SPTBN1: variants seen among roughly 807,000 people sequenced by gnomAD.
The protein encoded by SPTBN1 is spectrin beta chain, non-erythrocytic 1.
In SPTBN1, 32 loss-of-function variants were observed where a neutral mutation model predicts 266.4. The ratio of observed to expected loss-of-function variants is 0.12; its 90% CI spans 0.09 to 0.16. SPTBN1 has a LOEUF of 0.16. Among genes scored for constraint, SPTBN1 ranks in the 10% least tolerant of loss-of-function variants. The probability of loss-of-function intolerance (pLI) is 1.00; values close to 1 mark genes in which losing one functional copy is unlikely to be tolerated. For missense variants in SPTBN1, 2,296 were observed against 3,067.1 expected (o/e 0.75, Z 5.94); for synonymous variants, 1,336 against 1,162.2 (o/e 1.15, Z -3.04).
At chr2:54,569,144 C>G (rs1673879739) in intron 2 of SPTBN1, among the ~76,000 whole-genome samples, 1 of 151,998 alleles carries the variant, frequency 6.6e-6, no homozygotes, top group Non-Finnish European at 1.5e-5. Flanking sequence ...AACTTGTTGG[C>G]CGGAAGTTTT....
intron 1 of SPTBN1, among the ~76,000 whole-genome samples, chr2:54,522,697 G>GAGAGAGAGAGAGAGAGAGAAAGAGAA (rs1553439438): frequency 4.1e-5 from 4 of 97,262 alleles, no homozygotes; most frequent in Non-Finnish European, 2.1e-5. Flanking sequence ...GAGAGAGAGA[G>GAGAGAGAGAGAGAGAGAGAAAGAGAA]AGAAAGAAAG....
chr2:54,578,674 A>T (rs538198931), intron 2 of SPTBN1, among the ~76,000 whole-genome samples: 10 of 152,024 alleles, frequency 6.6e-5, no homozygotes, highest in Non-Finnish European at 1.3e-4. Flanking sequence ...GAGGCAAGTT[A>T]TTTATATTTA....
chr2:54,524,943 G>C (rs1670708846), intron 1 of SPTBN1, among the ~76,000 whole-genome samples: 1 of 107,402 alleles, frequency 9.3e-6, no homozygotes, highest in Non-Finnish European at 2.0e-5. Context: ...ACATGACTCT[G>C]CTGTCATTTT....
chr2:54,657,707 A>T (rs915946238), intron 29 of SPTBN1, 143 bp from the exon 30 acceptor site: 3 of 944,666 alleles, frequency 3.2e-6, no homozygotes, highest in African/African-American at 1.7e-5. Context: ...TTACATTTAC[A>T]TTGGACAGGG....
intron 1 of SPTBN1, among the ~76,000 whole-genome samples, chr2:54,526,111 C>CTT (rs1670799507): frequency 2.0e-5 from 3 of 152,234 alleles, no homozygotes; most frequent in Admixed American, 2.0e-4. Flanking sequence ...TATCCATCAT[C>CTT]TCATTCAGTC....
Position 54,671,069 on chromosome 2 carries a change from A to G in SPTBN1, c.*2500A>G, listed in dbSNP as rs1028469855. 5.2e-5 allele frequency: 18 copies of G among 349,314 alleles called. No homozygotes were observed. Among genetic ancestry groups the G allele is most frequent in the East Asian group, 2.1e-4 (5 of 23,858 alleles). 21.6% of individuals were successfully genotyped at this position (349,314 alleles called of 1,614,324 possible). A position where few individuals can be genotyped will look rare whatever the true frequency, so the allele number is the denominator to read the frequency against. On this transcript the variant is annotated 3_prime_UTR_variant, in exon 36 of 36. Coordinates refer to ENST00000356805, the MANE Select transcript of SPTBN1 (RefSeq NM_003128.3). ...TTTCAGTGATACAATATGGGTGACA[A>G]TACTGGCCCCTCCATAAATCTGAAG...
intron 1 of SPTBN1, among the ~76,000 whole-genome samples, chr2:54,481,108 G>A (rs962791876): frequency 3.3e-5 from 5 of 151,810 alleles, no homozygotes; most frequent in Non-Finnish European, 7.4e-5. Flanking sequence ...AGGAGTTTGA[G>A]GCCAGCCTGG....
Position 54,664,985 on chromosome 2 carries a change from G to T in SPTBN1, c.6659+294G>T. The T allele has an allele frequency of 2.8e-6, 1 of 358,510 alleles. No homozygotes were observed. Among genetic ancestry groups the T allele is most frequent in the Non-Finnish European group, 5.1e-6 (1 of 194,630 alleles). 22.2% of individuals were successfully genotyped at this position (358,510 alleles called of 1,614,324 possible). ...CTGAAGAGTCTTCTTTACTTTAAGT[G>T]ATTGATTTCATTTAGGACTCCTTGT... On this transcript the variant is annotated intron_variant, in intron 33 of 35. Transcript: ENST00000356805. This position sits in a 1 kb window ranked among gnomAD's most constrained non-coding sequence, Gnocchi z 5.6.
chr2:54,579,501 T>C (rs542773974), intron 2 of SPTBN1, among the ~76,000 whole-genome samples: 2 of 152,322 alleles, frequency 1.3e-5, no homozygotes, highest in South Asian at 2.1e-4. Flanking sequence ...TCTGTATTGG[T>C]AGCATTAGCG....
rs946787744 is a variant in SPTBN1, at chr2:54,533,793, C to T, written c.148+7227C>T. On this transcript the variant is annotated intron_variant, in intron 2 of 35. Transcript: ENST00000356805. This position sits in a 1 kb window ranked among gnomAD's most constrained non-coding sequence, Gnocchi z 4.2. ...CTCGAACTCCTGACCCCAGGTGATC[C>T]GCCCGCCTTGGCCTCCCAAAGTGCT... Among the ~76,000 whole-genome samples the T allele has an allele frequency of 2.6e-5, 4 of 152,134 alleles. No homozygotes were observed. Among genetic ancestry groups the T allele is most frequent in the African/African-American group, 7.2e-5 (3 of 41,412 alleles).
chr2:54,591,941 G>A (rs1470220984), intron 2 of SPTBN1, among the ~76,000 whole-genome samples: 1 of 152,146 alleles, frequency 6.6e-6, no homozygotes, highest in East Asian at 1.9e-4. Context: ...GCTAAGGTGG[G>A]AGGATCACTG....
At chr2:54,623,625 C>T in intron 10 of SPTBN1, 29 bp downstream of exon 10, 1 of 1,566,898 alleles carries the variant, frequency 6.4e-7, no homozygotes, top group Non-Finnish European at 8.7e-7. Flanking sequence ...CTGCATGGGC[C>T]CTGACCTCCT....
chr2:54,552,836 T>G (rs759595331), intron 2 of SPTBN1, among the ~76,000 whole-genome samples: 1 of 152,230 alleles, frequency 6.6e-6, no homozygotes, highest in Non-Finnish European at 1.5e-5. Context: ...GGCGGTACTC[T>G]GTAAGTTGAG....
chr2:54,487,170 C>CT (rs34779689), intron 1 of SPTBN1, among the ~76,000 whole-genome samples: 6,582 of 98,506 alleles, frequency 0.067, 585 homozygotes, highest in African/African-American at 0.2. Flanking sequence ...ATTAGGATTT[C>CT]TTTTTTTTTT....
At chr2:54,466,254 C>T (rs1362462875) in intron 1 of SPTBN1, among the ~76,000 whole-genome samples, 1 of 152,038 alleles carries the variant, frequency 6.6e-6, no homozygotes, top group Non-Finnish European at 1.5e-5. Flanking sequence ...CCCAATAGAT[C>T]AATTAGTATG....
Position 54,626,323 on chromosome 2 carries a change from C to T in SPTBN1, c.1644+89C>T. ...TCATTCACTAAACCCCTACGTACAGCTGTGTGCCTTGTCTAACTGCCCACA... is the reference window on the plus strand; with the variant it reads ...TCATTCACTAAACCCCTACGTACAGTTGTGTGCCTTGTCTAACTGCCCACA... On this transcript the variant is annotated intron_variant, in intron 12 of 35. Transcript: ENST00000356805. The surrounding 1 kb of genome is among the most constrained non-coding windows in gnomAD (Gnocchi z 4.7). 6.9e-7 allele frequency: 1 copy of T among 1,448,340 alleles called. No individual in the cohort carries two copies. The highest frequency in any genetic ancestry group is 9.2e-7 in the Non-Finnish European group (1 of 1,082,806). The allele number at this position is 1,448,340 out of a possible 1,614,324, so 89.7% of individuals were successfully genotyped here. A position where few individuals can be genotyped will look rare whatever the true frequency, so the allele number is the denominator to read the frequency against.
chr2:54,627,267 A>G (rs1678409280), intron 12 of SPTBN1, among the ~76,000 whole-genome samples: 1 of 152,230 alleles, frequency 6.6e-6, no homozygotes, highest in Non-Finnish European at 1.5e-5. Context: ...CGTAAAATGT[A>G]GCAGAGAGGG....
At position 54,664,485 on chromosome 2, in the gene SPTBN1, C is replaced by G. The variant is rs772831584; in HGVS notation, c.6453C>G (p.Val2151=). 1 of 1,613,782 alleles carries G rather than the reference C, an allele frequency of 6.2e-7. No homozygotes were observed. Among genetic ancestry groups the G allele is most frequent in the South Asian group, 1.1e-5 (1 of 91,062 alleles). The change falls in exon 33 of 36, where the codon GTC becomes GTG. Residue 2151 remains valine (V), a synonymous_variant. Transcript: ENST00000356805. This position sits in a 1 kb window ranked among gnomAD's most constrained non-coding sequence, Gnocchi z 5.6. ...AAACGGTGGACACAAGCGAAATGGTCAACGGCGCTACAGAACAAAGGACGA... is the reference window on the plus strand; with the variant it reads ...AAACGGTGGACACAAGCGAAATGGTGAACGGCGCTACAGAACAAAGGACGA... ...MAETVDTSEM[V]NGATEQRTSS... is the part of the protein sequence containing the mutation.
rs766394375 is a variant in SPTBN1 at position 54,646,283 on chromosome 2, C to A, written c.4674C>A (p.Leu1558=). The change falls in exon 23 of 36, where the codon CTC becomes CTA. Residue 1558 remains leucine, a synonymous_variant. Transcript: ENST00000356805. This position sits in a 1 kb window ranked among gnomAD's most constrained non-coding sequence, Gnocchi z 4.4. ...SQNIVTDSSS[L]SAEAIRQRLA... ...ACATCGTCACTGACAGCAGCAGCCT[C>A]AGCGCTGAGGCCATCAGACAGAGGC... 1.9e-6 allele frequency: 3 copies of A among 1,614,238 alleles called. No individual in the cohort carries two copies. Among genetic ancestry groups the A allele is most frequent in the Non-Finnish European group, 2.5e-6 (3 of 1,180,040 alleles).
Sources: allele counts gnomAD v4.1 joint callset (sites outside exome capture counted in the v4.1 genomes callset), GRCh38; gene constraint gnomAD v4.1.1; non-coding constraint Gnocchi (gnomAD v3.1); transcripts MANE v1.5; gene names NCBI Gene and HGNC (gene_info 2026-07-23, HGNC 2026-07-21).